Variants in ZNG1C observed in about 807,000 individuals in gnomAD.
The protein encoded by ZNG1C is zinc-regulated GTPase metalloprotein activator 1C.
chr9:68,276,307 A>G, the ZNG1C span, among the ~76,000 whole-genome samples: 2 of 132,378 alleles, frequency 1.5e-5, no homozygotes, highest in Non-Finnish European at 3.3e-5. Context: ...TGTTTAGTTT[A>G]ATTAGATCCC....
the ZNG1C span, chr9:68,269,098 G>T: frequency 7.2e-7 from 1 of 1,385,926 alleles, no homozygotes; most frequent in Non-Finnish European, 9.7e-7. Flanking sequence ...CATTTAAAAA[G>T]ATTTGGATCC....
At chr9:68,289,666 CA>C in the ZNG1C span, among the ~76,000 whole-genome samples, 3 of 143,164 alleles carry the variant, frequency 2.1e-5, no homozygotes, top group Non-Finnish European at 4.5e-5. Context: ...AGAAATAACC[CA>C]GTGGGTTAAA....
At chr9:68,252,085 CTT>C in the ZNG1C span, among the ~76,000 whole-genome samples, 106 of 7,554 alleles carry the variant, frequency 0.014, no homozygotes, top group African/African-American at 0.039. Context: ...TTGAAGGAAT[CTT>C]TTTTTTTCTA....
At chr9:68,245,694 G>A in the ZNG1C span, among the ~76,000 whole-genome samples, 1 of 120,820 alleles carries the variant, frequency 8.3e-6, no homozygotes, top group Non-Finnish European at 1.8e-5. Flanking sequence ...CTGTCTCCCG[G>A]GTTAAAGTGA....
At chr9:68,291,871 C>T in the ZNG1C span, among the ~76,000 whole-genome samples, 1 of 147,606 alleles carries the variant, frequency 6.8e-6, no homozygotes, top group South Asian at 2.2e-4. Context: ...AGCAGGCCAA[C>T]CAGCACAAAA....
chr9:68,255,792 G>C, the ZNG1C span, among the ~76,000 whole-genome samples: 3 of 152,120 alleles, frequency 2.0e-5, no homozygotes, highest in Non-Finnish European at 4.4e-5. Context: ...AGCCAAGAAA[G>C]TGAACAGAAT....
the ZNG1C span, among the ~76,000 whole-genome samples, chr9:68,287,277 T>G: frequency 6.6e-6 from 1 of 152,196 alleles, no homozygotes; most frequent in Non-Finnish European, 1.5e-5. Flanking sequence ...GTTTCTCAAA[T>G]GGGGTATAAA....
the ZNG1C span, among the ~76,000 whole-genome samples, chr9:68,292,102 C>T: frequency 2.6e-5 from 4 of 152,210 alleles, no homozygotes; most frequent in African/African-American, 9.6e-5. Flanking sequence ...CAGCTCAGCT[C>T]TCAGGAAGCC....
chr9:68,244,036 A>C, the ZNG1C span, among the ~76,000 whole-genome samples: 2 of 105,682 alleles, frequency 1.9e-5, no homozygotes, highest in African/African-American at 3.6e-5. Flanking sequence ...CCCTTCCCTT[A>C]ATATTTCTAA....
the ZNG1C span, chr9:68,254,797 A>G: frequency 4.4e-5 from 6 of 137,878 alleles, no homozygotes; most frequent in Middle Eastern, 3.6e-3. Flanking sequence ...GTATGGGGAC[A>G]TCATTCGACC....
chr9:68,296,660 T>G, the ZNG1C span, among the ~76,000 whole-genome samples: 1 of 152,084 alleles, frequency 6.6e-6, no homozygotes, highest in Admixed American at 6.6e-5. Flanking sequence ...TATATTATTT[T>G]CTACCTTTTT....
chr9:68,276,076 G>T, the ZNG1C span, among the ~76,000 whole-genome samples: 1 of 151,926 alleles, frequency 6.6e-6, no homozygotes, highest in Non-Finnish European at 1.5e-5. Flanking sequence ...ATTTTTTCAC[G>T]TGTTTTTTGG....
chr9:68,288,076 C>CT, the ZNG1C span, among the ~76,000 whole-genome samples: 2 of 102,702 alleles, frequency 1.9e-5, no homozygotes, highest in African/African-American at 8.1e-5. Context: ...TAATAATAAA[C>CT]TGGGAAGAAC....
At chr9:68,264,870 T>A in the ZNG1C span, among the ~76,000 whole-genome samples, 4,183 of 45,170 alleles carry the variant, frequency 0.093, 102 homozygotes, top group African/African-American at 0.12. Context: ...TAATAATAAT[T>A]ATTATTATTA....
chr9:68,280,393 TGGA>T, the ZNG1C span, among the ~76,000 whole-genome samples: 2 of 151,864 alleles, frequency 1.3e-5, no homozygotes, highest in African/African-American at 4.8e-5. Flanking sequence ...TGCGTTCCTT[TGGA>T]GGAGGAGAGG....
chr9:68,285,168 C>T, the ZNG1C span, among the ~76,000 whole-genome samples: 690 of 52,204 alleles, frequency 0.013, no homozygotes, highest in African/African-American at 0.017. Flanking sequence ...GAGCAACCAG[C>T]TGGGAAGGAT....
chr9:68,275,433 T>G, the ZNG1C span, among the ~76,000 whole-genome samples: 1 of 149,848 alleles, frequency 6.7e-6, no homozygotes, highest in South Asian at 2.2e-4. Context: ...CACTAACTCG[T>G]CATCTAGCAT....
At chr9:68,287,678 AC>A in the ZNG1C span, among the ~76,000 whole-genome samples, 1 of 152,258 alleles carries the variant, frequency 6.6e-6, no homozygotes, top group East Asian at 1.9e-4. Flanking sequence ...ATGTCACTTT[AC>A]TACTAAATAG....
At chr9:68,287,559 A>C in the ZNG1C span, among the ~76,000 whole-genome samples, 1 of 152,306 alleles carries the variant, frequency 6.6e-6, no homozygotes, top group Non-Finnish European at 1.5e-5. Flanking sequence ...AAAAAAAACA[A>C]ATGTATTTTA....
Sources: allele counts gnomAD v4.1 joint callset (sites outside exome capture counted in the v4.1 genomes callset), GRCh38; gene constraint gnomAD v4.1.1; transcripts MANE v1.5; gene names NCBI Gene and HGNC (gene_info 2026-07-23, HGNC 2026-07-21).